RBMS3: variants seen among roughly 807,000 people sequenced by gnomAD.
RBMS3 encodes the protein RNA-binding motif, single-stranded-interacting protein 3.
Under a neutral mutation model 66.8 loss-of-function variants are expected in RBMS3, and 27 were observed. The observed-to-expected ratio is 0.40, with a 90% CI of 0.30 to 0.56. The LOEUF (loss-of-function observed/expected upper bound fraction) is 0.56. Ranked by LOEUF, RBMS3 falls within the 20% of genes least tolerant of loss-of-function variation. The probability of loss-of-function intolerance (pLI) is 0.40; values close to 1 mark genes in which losing one functional copy is unlikely to be tolerated. For missense variants in RBMS3, 513 were observed against 549.5 expected, an observed-to-expected ratio of 0.93 and a Z score of 0.66; for synonymous variants, 188 against 183.0, an observed-to-expected ratio of 1.03 and a Z score of -0.22.
chr3:29,840,294 A>G (rs2058629644), intron 6 of RBMS3, among the ~76,000 whole-genome samples: 1 of 152,120 alleles, frequency 6.6e-6, no homozygotes. Flanking sequence ...ATTAAAAGTT[A>G]CATTAAAAAT....
At chr3:29,369,829 C>A (rs2038104926) in intron 1 of RBMS3, among the ~76,000 whole-genome samples, 1 of 151,970 alleles carries the variant, frequency 6.6e-6, no homozygotes, top group African/African-American at 2.4e-5. Flanking sequence ...TAAAGGCAGC[C>A]ATTTTTATCA....
At chr3:29,721,643 T>C (rs1291761588) in intron 4 of RBMS3, among the ~76,000 whole-genome samples, 1 of 152,174 alleles carries the variant, frequency 6.6e-6, no homozygotes, top group Non-Finnish European at 1.5e-5. Context: ...TTATTCCATG[T>C]TGTGGATGAG....
At chr3:29,683,674 A>G (rs139479811) in intron 4 of RBMS3, among the ~76,000 whole-genome samples, 1 of 152,238 alleles carries the variant, frequency 6.6e-6, no homozygotes, top group East Asian at 1.9e-4. Context: ...GTTGCTGCTG[A>G]TAAGGCGACA....
intron 4 of RBMS3, among the ~76,000 whole-genome samples, chr3:29,669,577 G>A (rs1208732851): frequency 6.6e-6 from 1 of 152,166 alleles, no homozygotes; most frequent in Non-Finnish European, 1.5e-5. Flanking sequence ...ATGAAGTCCG[G>A]AGTGACTGGT....
At chr3:29,325,583 T>TCAA (rs2035278821) in intron 1 of RBMS3, among the ~76,000 whole-genome samples, 1 of 149,850 alleles carries the variant, frequency 6.7e-6, no homozygotes, top group Admixed American at 6.7e-5. Flanking sequence ...TACATGTGTG[T>TCAA]ATGTATATAT....
intron 1 of RBMS3, among the ~76,000 whole-genome samples, chr3:29,388,557 C>T (rs2039119487): frequency 6.6e-6 from 1 of 152,178 alleles, no homozygotes; most frequent in East Asian, 1.9e-4. Flanking sequence ...CCCCCCACTG[C>T]CAATCTGTGC....
chr3:29,830,528 G>T (rs1293818445), intron 6 of RBMS3, among the ~76,000 whole-genome samples: 2 of 152,088 alleles, frequency 1.3e-5, no homozygotes, highest in African/African-American at 4.8e-5. Context: ...TATGCATAAA[G>T]CTTTGACAGA....
At chr3:29,704,219 G>C (rs1400994711) in intron 4 of RBMS3, among the ~76,000 whole-genome samples, 1 of 152,128 alleles carries the variant, frequency 6.6e-6, no homozygotes, top group Non-Finnish European at 1.5e-5. Flanking sequence ...TCCCCACACA[G>C]GTTCATGGAA....
intron 6 of RBMS3, among the ~76,000 whole-genome samples, chr3:29,769,773 G>A (rs747481753): frequency 6.6e-6 from 1 of 151,746 alleles, no homozygotes; most frequent in African/African-American, 2.4e-5. Context: ...ACATATATTT[G>A]CTTTTAATGA....
intron 3 of RBMS3, among the ~76,000 whole-genome samples, chr3:29,584,421 T>A (rs771483602): frequency 2.0e-5 from 3 of 152,148 alleles, no homozygotes; most frequent in Non-Finnish European, 4.4e-5. Context: ...ATAACATCTA[T>A]ATCTTTGTGC....
intron 6 of RBMS3, among the ~76,000 whole-genome samples, chr3:29,775,079 A>G (rs1438993636): frequency 6.6e-6 from 1 of 151,988 alleles, no homozygotes; most frequent in East Asian, 1.9e-4. Context: ...CAAGCCCTTC[A>G]TCTTAGAAAA....
At chr3:29,790,588 G>A (rs995219326) in intron 6 of RBMS3, among the ~76,000 whole-genome samples, 7 of 152,074 alleles carry the variant, frequency 4.6e-5, no homozygotes, top group African/African-American at 1.2e-4. Flanking sequence ...ATAGATGTCA[G>A]AGATTCTCTA....
intron 11 of RBMS3, among the ~76,000 whole-genome samples, chr3:29,939,830 A>G (rs564471164): frequency 8.6e-5 from 13 of 151,884 alleles, no homozygotes; most frequent in African/African-American, 3.1e-4. Context: ...ACCTCATCTA[A>G]TAATTTCAGA....
chr3:29,630,651 G>T (rs1017753915), intron 4 of RBMS3, among the ~76,000 whole-genome samples: 8 of 151,926 alleles, frequency 5.3e-5, no homozygotes, highest in Non-Finnish European at 8.8e-5. Flanking sequence ...GGCATTTATG[G>T]TTAGAAATAT....
intron 11 of RBMS3, among the ~76,000 whole-genome samples, chr3:29,941,468 TATTA>T (rs1375175495): frequency 3.3e-5 from 5 of 151,792 alleles, no homozygotes; most frequent in Admixed American, 6.6e-5. Flanking sequence ...TAGGAAAAAA[TATTA>T]ATTAAAACAC....
chr3:29,312,606 C>T (rs1187572247), intron 1 of RBMS3, among the ~76,000 whole-genome samples: 5 of 151,516 alleles, frequency 3.3e-5, no homozygotes, highest in African/African-American at 1.2e-4. Context: ...ATCTTTTTCT[C>T]TCCTTGTCTT....
intron 1 of RBMS3, among the ~76,000 whole-genome samples, chr3:29,371,866 T>A (rs1216186961): frequency 1.3e-5 from 2 of 151,830 alleles, no homozygotes; most frequent in African/African-American, 2.4e-5. Flanking sequence ...TTACAAGAAG[T>A]TTTTTTTAAA....
At chr3:29,854,184 TC>T (rs1004384926) in intron 6 of RBMS3, among the ~76,000 whole-genome samples, 4 of 151,988 alleles carry the variant, frequency 2.6e-5, no homozygotes, top group African/African-American at 9.7e-5. Flanking sequence ...GAGAAGGGCG[TC>T]CCTCCCCGCG....
chr3:29,461,230 A>G (rs1206218949), intron 2 of RBMS3, among the ~76,000 whole-genome samples: 1 of 152,184 alleles, frequency 6.6e-6, no homozygotes, highest in African/African-American at 2.4e-5. Flanking sequence ...AGTGTGCAAT[A>G]TGCTTACAGT....
Sources: allele counts gnomAD v4.1 joint callset (sites outside exome capture counted in the v4.1 genomes callset), GRCh38; gene constraint gnomAD v4.1.1; transcripts MANE v1.5; gene names NCBI Gene and HGNC (gene_info 2026-07-23, HGNC 2026-07-21).